The following ST18 variants were observed in gnomAD, a reference collection of about 807,000 sequenced individuals.
ST18 encodes ST18 C2H2C-type zinc finger transcription factor.
Under a neutral mutation model 110.0 loss-of-function variants are expected in ST18, and 50 were observed. The observed-to-expected ratio is 0.45, with a 90% CI of 0.36 to 0.58. ST18 has a LOEUF of 0.58. Among genes scored for constraint, ST18 ranks in the 20% least tolerant of loss-of-function variants. ST18 has a pLI of 0.00. For synonymous variants in ST18, 461 were observed against 452.4 expected, an observed-to-expected ratio of 1.02 and a Z score of -0.24; for missense variants, 1,306 against 1,280.1, an observed-to-expected ratio of 1.02 and a Z score of -0.31.
intron 2 of ST18, among the ~76,000 whole-genome samples, chr8:52,280,394 A>G (rs1441957098): frequency 6.6e-6 from 1 of 152,060 alleles, no homozygotes; most frequent in East Asian, 1.9e-4. Flanking sequence ...TTTATAATCT[A>G]TGTACACATG....
chr8:52,228,207 T>C (rs1345933511), intron 3 of ST18, among the ~76,000 whole-genome samples: 6 of 152,206 alleles, frequency 3.9e-5, no homozygotes, highest in Admixed American at 3.9e-4. Context: ...TTTTTTCAAA[T>C]GTCTACTTTT....
At chr8:52,244,505 T>C (rs1483832965) in intron 2 of ST18, among the ~76,000 whole-genome samples, 1 of 152,048 alleles carries the variant, frequency 6.6e-6, no homozygotes, top group Non-Finnish European at 1.5e-5. Flanking sequence ...GGAAAAAAAT[T>C]CCCAAATACA....
At chr8:52,286,130 T>C (rs1214727790) in intron 2 of ST18, among the ~76,000 whole-genome samples, 3 of 152,230 alleles carry the variant, frequency 2.0e-5, no homozygotes, top group Non-Finnish European at 4.4e-5. Flanking sequence ...GAATAATTAA[T>C]TGAAATAGAA....
intron 2 of ST18, among the ~76,000 whole-genome samples, chr8:52,389,150 G>A (rs1051180193): frequency 2.6e-5 from 4 of 152,170 alleles, no homozygotes; most frequent in African/African-American, 7.2e-5. Context: ...TTGGCTGTGG[G>A]GCTCCCAGGC....
At chr8:52,373,639 G>A (rs779197031) in intron 2 of ST18, among the ~76,000 whole-genome samples, 5 of 151,960 alleles carry the variant, frequency 3.3e-5, no homozygotes, top group Non-Finnish European at 7.4e-5. Context: ...TGGACAACTT[G>A]CCTTTTTCTC....
At chr8:52,166,662 T>C (rs1019788010) in intron 11 of ST18, among the ~76,000 whole-genome samples, 190 bp downstream of exon 11, 1 of 152,272 alleles carries the variant, frequency 6.6e-6, no homozygotes, top group Non-Finnish European at 1.5e-5. Context: ...TCTTGATCTG[T>C]TGGCTTTCTT....
At chr8:52,132,218 G>A in intron 21 of ST18, 39 bp from the exon 22 acceptor site, 1 of 1,551,478 alleles carries the variant, frequency 6.4e-7, no homozygotes, top group South Asian at 1.2e-5. Flanking sequence ...CAGGAAGAAG[G>A]CAGTGATAGT....
intron 9 of ST18, among the ~76,000 whole-genome samples, chr8:52,178,982 G>C (rs908890267): frequency 2.6e-5 from 4 of 151,966 alleles, no homozygotes; most frequent in African/African-American, 9.7e-5. Flanking sequence ...TGCTAACTAT[G>C]ATTCTACATG....
At chr8:52,316,395 A>C (rs1412147615) in intron 2 of ST18, among the ~76,000 whole-genome samples, 1 of 152,252 alleles carries the variant, frequency 6.6e-6, no homozygotes, top group Admixed American at 6.5e-5. Flanking sequence ...TGCTGTGTAC[A>C]GACCCTCATC....
intron 15 of ST18, among the ~76,000 whole-genome samples, chr8:52,155,984 T>C (rs1360531448): frequency 1.3e-5 from 2 of 152,092 alleles, no homozygotes; most frequent in African/African-American, 4.8e-5. Context: ...AGATGCTCAT[T>C]GTGTAAAGGA....
In ST18 at chr8:52,149,814, T is replaced by G; in HGVS notation, c.1970A>C (p.Tyr657Ser). 1.2e-6 allele frequency: 2 copies of G among 1,614,184 alleles called. No homozygotes were observed. Among genetic ancestry groups the G allele is most frequent in the African/African-American group, 1.3e-5 (1 of 75,060 alleles). ...GCCCTCTTGGTCACAAAGAGCCTGA[T>G]AGAATGCTGCATTGACCAGAATGCT... Reference protein sequence around the residue: ...TSSILVNAAFYQALCDQEGWD... With the variant: ...TSSILVNAAFSQALCDQEGWD... Residue 657 changes from tyrosine to serine, a missense_variant, in exon 16 of 26, where the codon TAT (tyrosine) becomes TCT (serine). Coordinates refer to ENST00000689386, the MANE Select transcript of ST18 (RefSeq NM_001352837.2).
chr8:52,161,950 C>T (rs898030707), intron 13 of ST18, among the ~76,000 whole-genome samples: 7 of 152,310 alleles, frequency 4.6e-5, no homozygotes, highest in African/African-American at 9.6e-5. Context: ...TGGCTTACGC[C>T]TATAATCCCA....
chr8:52,128,859 C>A (rs2048106884), intron 22 of ST18, among the ~76,000 whole-genome samples: 1 of 152,086 alleles, frequency 6.6e-6, no homozygotes, highest in Admixed American at 6.5e-5. Context: ...CAGGGTTTTG[C>A]AAAGTTTTAA....
chr8:52,271,434 G>A (rs138125821), intron 2 of ST18, among the ~76,000 whole-genome samples: 228 of 152,140 alleles, frequency 1.5e-3, no homozygotes, highest in African/African-American at 5.3e-3. Flanking sequence ...TTAACATCTA[G>A]GGGCTTACCA....
At chr8:52,284,809 C>T (rs1341987813) in intron 2 of ST18, among the ~76,000 whole-genome samples, 1 of 151,916 alleles carries the variant, frequency 6.6e-6, no homozygotes, top group African/African-American at 2.4e-5. Flanking sequence ...AAATATAACC[C>T]CCGCCACCCC....
chr8:52,354,184 A>T (rs1453319906), intron 2 of ST18, among the ~76,000 whole-genome samples: 1 of 152,190 alleles, frequency 6.6e-6, no homozygotes, highest in Non-Finnish European at 1.5e-5. Context: ...TGAAATGGGG[A>T]GTGACTGGAG....
intron 2 of ST18, among the ~76,000 whole-genome samples, chr8:52,363,035 C>T (rs1042217559): frequency 6.6e-6 from 1 of 152,120 alleles, no homozygotes; most frequent in Non-Finnish European, 1.5e-5. Flanking sequence ...CATGGTGAAA[C>T]CCGTCTCTAC....
rs899001063 is a variant in ST18, at chr8:52,165,155, G to A, written c.1275C>T (p.Ser425=). 6.2e-7 allele frequency: 1 copy of A among 1,614,050 alleles called. No homozygotes were observed. The highest frequency in any genetic ancestry group is 8.5e-7 in the Non-Finnish European group (1 of 1,180,020). The stretch of plus-strand genomic sequence containing the variant: ...ATTACCTCCTGTGGGTGTTGCGGTT[G>A]CTGTTCACATGACCCCTTCCTGTGC... ...PGCTGRGHVN[S]NRNTHRSLSG... is the part of the protein sequence containing the mutation. Residue 425 remains serine (S), a synonymous_variant, in exon 12 of 26, where the codon AGC becomes AGT. Transcript: ENST00000689386.
At chr8:52,235,312 C>T (rs982236890) in intron 2 of ST18, among the ~76,000 whole-genome samples, 2 of 152,132 alleles carry the variant, frequency 1.3e-5, no homozygotes, top group Non-Finnish European at 2.9e-5. Flanking sequence ...CAGGAAACCA[C>T]GCCTGCTCCT....
Sources: gnomAD v4.1 joint callset for allele counts (sites outside exome capture counted in the v4.1 genomes callset) on GRCh38, gnomAD v4.1.1 for gene constraint, MANE v1.5 for transcripts, NCBI Gene and HGNC (gene_info 2026-07-23, HGNC 2026-07-21) for gene names.